The following ANKRD18A variants were observed in gnomAD, a reference collection of about 807,000 sequenced individuals.
ANKRD18A encodes ankyrin repeat domain-containing protein 18A.
Under a neutral mutation model 110.6 loss-of-function variants are expected in ANKRD18A, and 72 were observed. The ratio of observed to expected loss-of-function variants is 0.65; its 90% CI spans 0.54 to 0.79. The LOEUF is 0.79. ANKRD18A is among the 30% of genes least tolerant of loss of function. The pLI, the probability that ANKRD18A is intolerant of heterozygous loss-of-function variation, is 0.00. For synonymous variants in ANKRD18A, 305 were observed against 410.3 expected, an observed-to-expected ratio of 0.74 and a Z score of 3.10; for missense variants, 934 against 1,163.3, an observed-to-expected ratio of 0.80 and a Z score of 2.87.
intron 4 of ANKRD18A, among the ~76,000 whole-genome samples, chr9:38,610,891 GT>G (rs1825590973): frequency 7.8e-6 from 1 of 127,610 alleles, no homozygotes; most frequent in Non-Finnish European, 1.7e-5. Context: ...GGTAATAGTA[GT>G]AGTTGTAAAC....
chr9:38,586,374 T>C (rs1209094143), intron 11 of ANKRD18A, 62 bp from the exon 12 acceptor site: 3 of 1,376,352 alleles, frequency 2.2e-6, no homozygotes. Context: ...AATAATTGTT[T>C]AAACAGATAT....
At chr9:38,609,459 C>T (rs1459864732) in intron 5 of ANKRD18A, among the ~76,000 whole-genome samples, 4 of 152,018 alleles carry the variant, frequency 2.6e-5, no homozygotes, top group East Asian at 3.9e-4. Flanking sequence ...CCAGCCTGGG[C>T]GACTGAGCAA....
chr9:38,573,698 A>G (rs1354076006), intron 15 of ANKRD18A, among the ~76,000 whole-genome samples: 1 of 152,202 alleles, frequency 6.6e-6, no homozygotes, highest in East Asian at 1.9e-4. Context: ...CTAGTGACAG[A>G]GCGAAACTCC....
rs1301178605 is a variant in ANKRD18A at position 38,595,948 on chromosome 9, T to C, written c.1392A>G (p.Gln464=). ...TAAGCAACTCATTCTTATCTGTTAG[T>C]TGAGAAATATTAGAACCCATTTTTT... ...RHEKMGSNIS[Q]LTDKNELLTE... The change falls in exon 9 of 16, where the codon CAA becomes CAG. Residue 464 remains glutamine, a synonymous_variant. Coordinates refer to ENST00000399703, the MANE Select transcript of ANKRD18A (RefSeq NM_147195.4). 2.6e-6 allele frequency: 4 copies of C among 1,550,686 alleles called. No individual in the cohort carries two copies. Among genetic ancestry groups the C allele is most frequent in the African/African-American group, 1.4e-5 (1 of 73,050 alleles).
chr9:38,575,533 T>C lies in ANKRD18A; in HGVS notation c.2907A>G (p.Ile969Met). The change falls in exon 15 of 16, where the codon ATA becomes ATG. Residue 969 changes from isoleucine to methionine, a missense_variant. By Grantham distance (10) the Ile-to-Met change is conservative. Transcript: ENST00000399703. Reference protein sequence around the residue: ...LNRKYIPKTAIRIPTSNPQTS... With the variant: ...LNRKYIPKTAMRIPTSNPQTS... The stretch of plus-strand genomic sequence containing the variant: ...TCTGTGGGTTTGAAGTAGGAATTCT[T>C]ATGGCCGTTTTGGGAATATATTTTC... 1 of 1,551,652 alleles carries C rather than the reference T, an allele frequency of 6.4e-7. No homozygotes were observed. Among genetic ancestry groups the C allele is most frequent in the Non-Finnish European group, 8.7e-7 (1 of 1,146,850 alleles).
downstream of ANKRD18A, chr9:38,568,875 G>A (rs553581998): frequency 6.6e-5 from 65 of 985,400 alleles, no homozygotes; most frequent in African/African-American, 7.7e-4. Flanking sequence ...TATGGATCTC[G>A]CTCCCCAGCA....
chr9:38,608,810 G>T (rs1314007309), intron 5 of ANKRD18A, among the ~76,000 whole-genome samples: 1 of 150,894 alleles, frequency 6.6e-6, no homozygotes, highest in Non-Finnish European at 1.5e-5. Flanking sequence ...TACTTGAGGG[G>T]CCAACTCCAA....
chr9:38,577,159 T>A lies in ANKRD18A; in HGVS notation c.2635A>T (p.Lys879Ter). The A allele has an allele frequency of 6.5e-7, 1 of 1,549,422 alleles. No homozygotes were observed. The highest frequency in any genetic ancestry group is 8.7e-7 in the Non-Finnish European group (1 of 1,146,442). Reference protein sequence around the residue: ...TLKDVECKFSKMKTAYEEVTT... With the variant: ...TLKDVECKFS ...ACCTCTTCATAAGCAGTTTTCATTTTGGAGAATTTACATTCCACATCTTTA... is the reference window on the plus strand; with the variant it reads ...ACCTCTTCATAAGCAGTTTTCATTTAGGAGAATTTACATTCCACATCTTTA... Residue 879 changes from lysine (K) to a stop codon, truncating the protein, a stop_gained, in exon 14 of 16, where the codon AAA becomes TAA. Transcript: ENST00000399703. LOFTEE classifies it high-confidence loss of function.
intron 12 of ANKRD18A, among the ~76,000 whole-genome samples, chr9:38,580,264 A>G (rs771367031): frequency 6.6e-6 from 1 of 152,208 alleles, no homozygotes; most frequent in Non-Finnish European, 1.5e-5. Flanking sequence ...GACAGGTGCA[A>G]TGGTGCACGC....
At position 38,620,314 on chromosome 9, in the gene ANKRD18A, C is replaced by T; in HGVS notation, c.-29G>A. On this transcript the variant is annotated 5_prime_UTR_variant, in exon 1 of 16. Transcript: ENST00000399703. ...GGCGACTTCTCAGACGCCCACCACC[C>T]GCTCCTGAGCCGCGGCGGCTCCTCG... The T allele has an allele frequency of 1.3e-6, 2 of 1,536,136 alleles. No homozygotes were observed. The highest frequency in any genetic ancestry group is 1.8e-6 in the Non-Finnish European group (2 of 1,137,746).
intron 7 of ANKRD18A, among the ~76,000 whole-genome samples, chr9:38,602,344 T>C (rs921376556): frequency 6.6e-6 from 1 of 151,838 alleles, no homozygotes; most frequent in African/African-American, 2.4e-5. Flanking sequence ...ACAGTGAGAT[T>C]CACCAGATTA....
downstream of ANKRD18A, chr9:38,571,235 C>T: frequency 1.3e-6 from 2 of 1,484,582 alleles, no homozygotes; most frequent in East Asian, 5.0e-5. Context: ...TTTAGAACAC[C>T]TTGTGCCAGA....
intron 1 of ANKRD18A, among the ~76,000 whole-genome samples, chr9:38,616,405 T>C (rs1433166147): frequency 2.0e-5 from 3 of 152,244 alleles, no homozygotes; most frequent in Non-Finnish European, 4.4e-5. Flanking sequence ...TGAAAATCTA[T>C]GTAAAGCATT....
chr9:38,572,269 T>C (rs1823680191), intron 15 of ANKRD18A: 1 of 411,184 alleles, frequency 2.4e-6, no homozygotes, highest in African/African-American at 2.1e-5. Context: ...CATTCTTCAT[T>C]CATGTACTCA....
intron 8 of ANKRD18A, among the ~76,000 whole-genome samples, chr9:38,597,102 T>C (rs552662536): frequency 2.0e-5 from 3 of 152,154 alleles, no homozygotes; most frequent in Admixed American, 6.6e-5. Context: ...GGTATAAATA[T>C]ATCAACACAA....
rs947914855 is a variant in ANKRD18A at position 38,592,770 on chromosome 9, T to C, written c.2004+990A>G. Among the ~76,000 whole-genome samples the C allele has an allele frequency of 3.3e-5, 5 of 152,204 alleles. No individual in the cohort carries two copies. In the East Asian group the frequency reaches 7.7e-4, roughly 23 times the overall value. On this transcript the variant is annotated intron_variant, in intron 10 of 15. Transcript: ENST00000399703. The stretch of plus-strand genomic sequence containing the variant: ...AATAAGAAGGAATAAACTACTGATA[T>C]GTGCTACAACATGGATAAAATTCTG...
In ANKRD18A at chr9:38,617,627, C is replaced by T. The variant is rs1033358512; in HGVS notation, c.207-1583G>A. On this transcript the variant is annotated intron_variant, in intron 1 of 15. Transcript: ENST00000399703. ...TTTCAAAAGGGCAGTTAAAGGTTAT[C>T]TCTTATTGTTTTCTACCTTCAGAAA... Among the ~76,000 whole-genome samples the T allele has an allele frequency of 7.9e-5, 12 of 152,216 alleles. 1 individual carries two copies. Among genetic ancestry groups the T allele is most frequent in the Admixed American group, 6.5e-4 (10 of 15,292 alleles).
intron 12 of ANKRD18A, among the ~76,000 whole-genome samples, chr9:38,579,296 G>A (rs1285848853): frequency 6.6e-6 from 1 of 152,172 alleles, no homozygotes; most frequent in African/African-American, 2.4e-5. Context: ...ATTTGTATAG[G>A]TAAGACATCA....
chr9:38,575,578 A>T lies in ANKRD18A; in HGVS notation c.2862T>A (p.Leu954=). Residue 954 remains leucine, a synonymous_variant, in exon 15 of 16, where the codon CTT becomes CTA. Transcript: ENST00000399703. The stretch of plus-strand genomic sequence containing the variant: ...ATTTTCTGTTGAGTTCTATACTATT[A>T]AGATTTTCAACACAAGGTAACTCTG... The part of the protein sequence containing the change: ...PEPELPCVEN[L]NSIELNRKYI... 1 of 1,551,576 alleles carries T rather than the reference A, an allele frequency of 6.4e-7. No homozygotes were observed. The highest frequency in any genetic ancestry group is 8.7e-7 in the Non-Finnish European group (1 of 1,146,834).
Sources: gnomAD v4.1 joint callset for allele counts (sites outside exome capture counted in the v4.1 genomes callset) on GRCh38, gnomAD v4.1.1 for gene constraint, MANE v1.5 for transcripts, NCBI Gene and HGNC (gene_info 2026-07-23, HGNC 2026-07-21) for gene names.